The following CDH8 variants were observed in gnomAD, a reference collection of about 807,000 sequenced individuals.
The protein encoded by CDH8 is cadherin 8.
A neutral mutation model predicts 68.1 loss-of-function variants in CDH8; 17 were observed. The observed-to-expected ratio is 0.25, with a 90% CI of 0.17 to 0.37. The LOEUF (loss-of-function observed/expected upper bound fraction) is 0.37. CDH8 is among the 10% of genes least tolerant of loss of function. The pLI is 1.00. For missense variants in CDH8, 763 were observed against 999.3 expected (o/e 0.76, Z 3.19); for synonymous variants, 372 against 365.1 (o/e 1.02, Z -0.21).
intron 1 of CDH8, among the ~76,000 whole-genome samples, chr16:62,025,344 G>A (rs12325429): frequency 0.5 from 76,541 of 151,934 alleles, 20,573 homozygotes; most frequent in African/African-American, 0.7. Context: ...TACATATTAA[G>A]TATATAGCCC....
At chr16:62,020,775 T>C (rs1300028168) in intron 2 of CDH8, among the ~76,000 whole-genome samples, 4 of 152,200 alleles carry the variant, frequency 2.6e-5, no homozygotes, top group Admixed American at 6.5e-5. Flanking sequence ...CTCTCAGTAA[T>C]TGAAGTGGTA....
chr16:62,014,916 C>A, intron 2 of CDH8, among the ~76,000 whole-genome samples: 1 of 150,544 alleles, frequency 6.6e-6, no homozygotes. Context: ...TTTTTTTTTC[C>A]CAAAATAAGC....
intron 2 of CDH8, among the ~76,000 whole-genome samples, chr16:61,933,708 T>G (rs1026346878): frequency 1.1e-4 from 16 of 152,024 alleles, no homozygotes; most frequent in African/African-American, 3.9e-4. Context: ...CTTTTAGTGC[T>G]GGTGGTGATT....
intron 10 of CDH8, among the ~76,000 whole-genome samples, chr16:61,670,881 T>G (rs1011654127): frequency 2.6e-5 from 4 of 152,088 alleles, no homozygotes; most frequent in African/African-American, 4.8e-5. Flanking sequence ...GCATGAGATT[T>G]TATCACAGTT....
At chr16:61,740,128 G>T (rs369497263) in intron 8 of CDH8, among the ~76,000 whole-genome samples, 1 of 151,546 alleles carries the variant, frequency 6.6e-6, no homozygotes, top group Non-Finnish European at 1.5e-5. Context: ...GGATGGTCTC[G>T]ATCTCCTGAC....
chr16:61,917,972 T>A (rs1394094447), intron 2 of CDH8, among the ~76,000 whole-genome samples: 26 of 110,776 alleles, frequency 2.3e-4, no homozygotes, highest in Admixed American at 1.6e-3. Context: ...TATTTGCTTT[T>A]TTTTTTTTTT....
At chr16:61,732,882 G>C (rs1024166536) in intron 8 of CDH8, among the ~76,000 whole-genome samples, 2 of 151,756 alleles carry the variant, frequency 1.3e-5, no homozygotes, top group African/African-American at 4.8e-5. Flanking sequence ...AAAAGGAGGT[G>C]AGTGGGTATG....
At chr16:61,700,319 C>T (rs1238790296) in intron 10 of CDH8, among the ~76,000 whole-genome samples, 3 of 148,430 alleles carry the variant, frequency 2.0e-5, no homozygotes, top group Non-Finnish European at 4.5e-5. Context: ...CTCACTCTGT[C>T]GCCCAGGCTG....
rs146428712 is a variant in CDH8 at position 62,023,099 on chromosome 16, T to A, written c.-199-1497A>T. On this transcript the variant is annotated intron_variant, in intron 1 of 11. Coordinates refer to ENST00000577390, the MANE Select transcript of CDH8 (RefSeq NM_001796.5). ...CGCCTTAAAACAGATTCCCCTTAAGTCTTTCTCTCATCCCAGTGTGTGAGC... is the reference window on the plus strand; with the variant it reads ...CGCCTTAAAACAGATTCCCCTTAAGACTTTCTCTCATCCCAGTGTGTGAGC... Among the ~76,000 whole-genome samples, 25 of 152,290 alleles carry A rather than the reference T, an allele frequency of 1.6e-4. No homozygotes were observed. The East Asian group carries it at 4.6e-3, about 28-fold the overall frequency.
chr16:61,752,622 T>A (rs6498806), intron 8 of CDH8, among the ~76,000 whole-genome samples: 25,988 of 152,104 alleles, frequency 0.17, 2,230 homozygotes, highest in Middle Eastern at 0.26. Flanking sequence ...ATCTTGACAG[T>A]CTGATGTATT....
In CDH8 at chr16:61,906,021, AATAG is replaced by A. The variant is rs202182629; in HGVS notation, c.253-4552_253-4549del. 2.6e-5 allele frequency among the ~76,000 whole-genome samples: 4 copies of A among 152,154 alleles called. No individual in the cohort carries two copies. The East Asian group carries it at 5.8e-4, about 22-fold the overall frequency. On this transcript the variant is annotated intron_variant, in intron 2 of 11. Coordinates refer to ENST00000577390, the MANE Select transcript of CDH8 (RefSeq NM_001796.5). ...GAGAGCATAGTATGGGAGAGAAACTAATAGATAGAGCAAGGAATTGAGGAAAAGA... is the reference window on the plus strand; with the variant it reads ...GAGAGCATAGTATGGGAGAGAAACTAATAGAGCAAGGAATTGAGGAAAAGA...
chr16:61,873,509 T>C (rs1487477044), intron 3 of CDH8, among the ~76,000 whole-genome samples: 3 of 152,206 alleles, frequency 2.0e-5, no homozygotes, highest in African/African-American at 4.8e-5. Context: ...TAAATAGTTA[T>C]GTGGAACAGA....
chr16:61,903,593 G>A (rs969348565), intron 2 of CDH8, among the ~76,000 whole-genome samples: 5 of 152,152 alleles, frequency 3.3e-5, no homozygotes, highest in Non-Finnish European at 7.4e-5. Context: ...TTACAGGCGT[G>A]AGCCACCTCG....
intron 10 of CDH8, among the ~76,000 whole-genome samples, chr16:61,670,093 C>A (rs1328041735): frequency 3.3e-5 from 5 of 152,002 alleles, no homozygotes; most frequent in Non-Finnish European, 7.4e-5. Context: ...CAATCTCTTT[C>A]TTGGTTATAT....
At chr16:61,975,904 G>C (rs1597102940) in intron 2 of CDH8, among the ~76,000 whole-genome samples, 1 of 152,164 alleles carries the variant, frequency 6.6e-6, no homozygotes, top group East Asian at 1.9e-4. Flanking sequence ...CAGCTCCACT[G>C]AGTGCATGAC....
intron 10 of CDH8, among the ~76,000 whole-genome samples, chr16:61,662,579 G>A (rs997124635): frequency 6.6e-6 from 1 of 151,438 alleles, no homozygotes; most frequent in African/African-American, 2.4e-5. Flanking sequence ...GAAATGGGCC[G>A]ATCAGTATCA....
chr16:61,826,443 T>C (rs73564361), intron 4 of CDH8, among the ~76,000 whole-genome samples: 4,712 of 151,898 alleles, frequency 0.031, 235 homozygotes, highest in African/African-American at 0.11. Context: ...TTGCTAAATG[T>C]CCATAATAAA....
At chr16:61,758,002 A>G (rs1442420205) in intron 8 of CDH8, among the ~76,000 whole-genome samples, 1 of 152,178 alleles carries the variant, frequency 6.6e-6, no homozygotes, top group African/African-American at 2.4e-5. Context: ...AGCATGTGGC[A>G]CTGGTTCTGG....
At chr16:61,795,103 A>G (rs1961465634) in intron 7 of CDH8, among the ~76,000 whole-genome samples, 1 of 152,002 alleles carries the variant, frequency 6.6e-6, no homozygotes, top group Admixed American at 6.6e-5. Flanking sequence ...AAACTGCAGC[A>G]TCAATAAAGG....
Sources: allele counts gnomAD v4.1 joint callset (sites outside exome capture counted in the v4.1 genomes callset), GRCh38; gene constraint gnomAD v4.1.1; transcripts MANE v1.5; gene names NCBI Gene and HGNC (gene_info 2026-07-23, HGNC 2026-07-21).